ZDHHC23: variants seen among roughly 807,000 people sequenced by gnomAD.
The protein encoded by ZDHHC23 is palmitoyltransferase ZDHHC23.
Under a neutral mutation model 40.2 loss-of-function variants are expected in ZDHHC23, and 41 were observed. That is an observed-to-expected ratio of 1.02 (90% CI 0.79 to 1.32). The LOEUF is 1.32. Ranked by LOEUF, ZDHHC23 falls within the 40% of genes most tolerant of loss-of-function variation. ZDHHC23 has a pLI of 0.00. For missense variants in ZDHHC23, 471 were observed against 541.5 expected, an observed-to-expected ratio of 0.87 and a Z score of 1.29; for synonymous variants, 204 against 210.2, an observed-to-expected ratio of 0.97 and a Z score of 0.26.
rs1939558334 is a variant in ZDHHC23, at chr3:113,959,781, C to A, written c.*1151C>A. The A allele has an allele frequency of 4.7e-6, 5 of 1,066,074 alleles. No individual in the cohort carries two copies. The South Asian group carries it at 1.4e-4, about 31-fold the overall frequency. The allele number at this position is 1,066,074 out of a possible 1,614,324, so 66.0% of individuals were successfully genotyped here. A position where few individuals can be genotyped will look rare whatever the true frequency, so the allele number is the denominator to read the frequency against. On this transcript the variant is annotated 3_prime_UTR_variant, in exon 5 of 5. Transcript: ENST00000638807. Reference sequence around the variant, plus strand: ...TGCACATTAATTCTCAATTACCCCTCCCTAAATAACAGTATCTCACTAAGA... The same window carrying A: ...TGCACATTAATTCTCAATTACCCCTACCTAAATAACAGTATCTCACTAAGA...
At chr3:113,958,215 G>C (rs543669298) in intron 4 of ZDHHC23, 148 bp from the exon 5 acceptor site, 1 of 668,614 alleles carries the variant, frequency 1.5e-6, no homozygotes, top group Non-Finnish European at 2.6e-6. Flanking sequence ...CAGGTTATTG[G>C]CATTCTGAGT....
intron 2 of ZDHHC23, 67 bp from the exon 3 acceptor site, chr3:113,953,633 G>C: frequency 7.2e-7 from 1 of 1,391,184 alleles, no homozygotes; most frequent in Non-Finnish European, 9.9e-7. Context: ...TTGGCATTCA[G>C]TGTTCTGTAG....
rs982419208 is a variant in ZDHHC23, at chr3:113,963,019, T to A, written c.*4389T>A. On this transcript the variant is annotated 3_prime_UTR_variant, in exon 5 of 5. Transcript: ENST00000638807. The stretch of plus-strand genomic sequence containing the variant: ...TCTTGGAGTGTCTCCTGAAGTCTTC[T>A]GATTTCTGAAAACCCTGCATTATAC... 2 of 152,168 alleles carry A rather than the reference T, an allele frequency of 1.3e-5. No homozygotes were observed. Among genetic ancestry groups the A allele is most frequent in the Non-Finnish European group, 2.9e-5 (2 of 68,030 alleles). The allele number at this position is 152,168 out of a possible 1,614,324, so 9.4% of individuals were successfully genotyped here.
At chr3:113,979,309 G>C in the ZDHHC23 span, among the ~76,000 whole-genome samples, 4 of 152,194 alleles carry the variant, frequency 2.6e-5, no homozygotes, top group Non-Finnish European at 5.9e-5. Context: ...GAGTTTTGGA[G>C]TGGGTAGCTG....
the ZDHHC23 span, chr3:113,978,810 G>C: frequency 2.5e-6 from 4 of 1,570,586 alleles, no homozygotes; most frequent in Non-Finnish European, 3.5e-6. Flanking sequence ...TTCTTAAATA[G>C]AATTGAGCAA....
Position 113,959,112 on chromosome 3 carries a change from T to C in ZDHHC23, c.*482T>C. On this transcript the variant is annotated 3_prime_UTR_variant, in exon 5 of 5. Transcript: ENST00000638807. ...GTCATGAGGGTCACGTGAGGGAAGA[T>C]GGATGTGGAAAGCACTAAAAAACAA... The C allele has an allele frequency of 1.0e-6, 1 of 961,010 alleles. No individual in the cohort carries two copies. Among genetic ancestry groups the C allele is most frequent in the Non-Finnish European group, 1.3e-6 (1 of 770,848 alleles). 59.5% of individuals were successfully genotyped at this position (961,010 alleles called of 1,614,324 possible).
At chr3:113,978,423 CAAAAG>C in the ZDHHC23 span, 2 of 1,296,546 alleles carry the variant, frequency 1.5e-6, no homozygotes, top group Non-Finnish European at 2.1e-6. Context: ...AGAAATGAAA[CAAAAG>C]AAACAAATGA....
chr3:113,978,470 G>A, the ZDHHC23 span: 37 of 843,506 alleles, frequency 4.4e-5, no homozygotes, highest in Non-Finnish European at 5.2e-5. Context: ...AGGATAACCT[G>A]GAAGCCAAGA....
At position 113,958,537 on chromosome 3, in the gene ZDHHC23, A is replaced by G. The variant is rs1183882293; in HGVS notation, c.1215A>G (p.Thr405=). 5 of 1,613,160 alleles carry G rather than the reference A, an allele frequency of 3.1e-6. No individual in the cohort carries two copies. The highest frequency in any genetic ancestry group is 1.7e-5 in the Admixed American group (1 of 60,024). The change falls in exon 5 of 5, where the codon ACA becomes ACG. Residue 405 remains threonine (T), a synonymous_variant. Transcript: ENST00000638807. ...RRLLCGLIVD[T]GQYNRGFLRN... is the part of the protein sequence containing the mutation. ...TCCTCTGCGGGCTCATCGTGGACAC[A>G]GGCCAGTACAATAGGGGCTTCCTGC...
In ZDHHC23 at chr3:113,961,913, A is replaced by T. The variant is rs908885434; in HGVS notation, c.*3283A>T. On this transcript the variant is annotated 3_prime_UTR_variant, in exon 5 of 5. Transcript: ENST00000638807. Reference sequence around the variant, plus strand: ...ATAAAGCTCAACTAGTATAAGCAAAAATATAACATCTAGAAGCACAGTTTT... The same window carrying T: ...ATAAAGCTCAACTAGTATAAGCAAATATATAACATCTAGAAGCACAGTTTT... 3.9e-5 allele frequency: 6 copies of T among 152,682 alleles called. No individual in the cohort carries two copies. The highest frequency in any genetic ancestry group is 5.9e-5 in the Non-Finnish European group (4 of 68,046). 9.5% of individuals were successfully genotyped at this position (152,682 alleles called of 1,614,324 possible).
downstream of ZDHHC23, among the ~76,000 whole-genome samples, chr3:113,969,840 T>C (rs925290684): frequency 3.3e-5 from 5 of 152,196 alleles, no homozygotes; most frequent in African/African-American, 1.2e-4. Context: ...GGGTCTTCTG[T>C]GGTTTCATAT....
In ZDHHC23 at chr3:113,962,541, A is replaced by G. The variant is rs564566920; in HGVS notation, c.*3911A>G. 108 of 152,382 alleles carry G rather than the reference A, an allele frequency of 7.1e-4. No homozygotes were observed. The highest frequency in any genetic ancestry group is 2.6e-3 in the African/African-American group (107 of 41,590). 9.4% of individuals were successfully genotyped at this position (152,382 alleles called of 1,614,324 possible). A position where few individuals can be genotyped will look rare whatever the true frequency, so the allele number is the denominator to read the frequency against. On this transcript the variant is annotated 3_prime_UTR_variant, in exon 5 of 5. Coordinates refer to ENST00000638807, the MANE Select transcript of ZDHHC23 (RefSeq NM_001320466.2). ...CTAGTCTATTCTAGTTACTGATGCAACTAAAATTCTGTATTTCTTAAGATG... is the reference window on the plus strand; with the variant it reads ...CTAGTCTATTCTAGTTACTGATGCAGCTAAAATTCTGTATTTCTTAAGATG...
chr3:113,969,068 G>A (rs1940525338), downstream of ZDHHC23, among the ~76,000 whole-genome samples: 1 of 152,084 alleles, frequency 6.6e-6, no homozygotes, highest in Non-Finnish European at 1.5e-5. Flanking sequence ...GGAGGGAGGT[G>A]CCAGGTTCTT....
At chr3:113,954,780 T>C (rs913850577) in intron 3 of ZDHHC23, among the ~76,000 whole-genome samples, 1 of 152,238 alleles carries the variant, frequency 6.6e-6, no homozygotes, top group African/African-American at 2.4e-5. Context: ...TATTCCTTTT[T>C]AAACATAAAG....
the ZDHHC23 span, among the ~76,000 whole-genome samples, chr3:113,975,643 T>C: frequency 6.6e-6 from 1 of 152,136 alleles, no homozygotes; most frequent in South Asian, 2.1e-4. Context: ...GTGAAGGAAG[T>C]AGGGCAGTTT....
the ZDHHC23 span, chr3:113,978,904 A>G: frequency 6.2e-7 from 1 of 1,614,040 alleles, no homozygotes; most frequent in Middle Eastern, 1.7e-4. Context: ...TTGGGAATAA[A>G]ATTGATCAGC....
chr3:113,953,576 A>T (rs2107467392), intron 2 of ZDHHC23, 124 bp from the exon 3 acceptor site: 1 of 772,360 alleles, frequency 1.3e-6, no homozygotes, highest in Non-Finnish European at 2.0e-6. Context: ...AGTAGTAAGG[A>T]AGTAAAATGC....
At chr3:113,957,787 C>T (rs752002647) in intron 4 of ZDHHC23, 1 of 518,608 alleles carries the variant, frequency 1.9e-6, no homozygotes. Context: ...AGCTTCCCTA[C>T]CTTGTGTGAT....
downstream of ZDHHC23, among the ~76,000 whole-genome samples, chr3:113,968,539 C>T (rs1224936489): frequency 6.6e-6 from 1 of 151,798 alleles, no homozygotes; most frequent in Non-Finnish European, 1.5e-5. Context: ...ACCTTCACCT[C>T]CTGGACTCAA....
Sources: allele counts gnomAD v4.1 joint callset (sites outside exome capture counted in the v4.1 genomes callset), GRCh38; gene constraint gnomAD v4.1.1; transcripts MANE v1.5; gene names NCBI Gene and HGNC (gene_info 2026-07-23, HGNC 2026-07-21).